SPDYE5: variants seen among roughly 807,000 people sequenced by gnomAD.
SPDYE5 encodes speedy protein E5.
A neutral mutation model predicts 48.5 loss-of-function variants in SPDYE5; 15 were observed. That is an observed-to-expected ratio of 0.31 (90% CI 0.21 to 0.48). The LOEUF is 0.48. Among genes scored for constraint, SPDYE5 ranks in the 20% least tolerant of loss-of-function variants. The pLI is 0.99. For missense variants in SPDYE5, 331 were observed against 549.1 expected (o/e 0.60, Z 3.97); for synonymous variants, 116 against 200.7 (o/e 0.58, Z 3.57).
chr7:75,497,180 G>A (rs1397420920), intron 4 of SPDYE5, among the ~76,000 whole-genome samples: 4 of 152,054 alleles, frequency 2.6e-5, no homozygotes, highest in African/African-American at 7.2e-5. Context: ...GCTGAGGCAA[G>A]AGGATTGCTT....
chr7:75,491,901 A>C (rs1554481796), upstream of SPDYE5, among the ~76,000 whole-genome samples: 1 of 151,586 alleles, frequency 6.6e-6, no homozygotes, highest in African/African-American at 2.4e-5. Context: ...TTTTTAGTAG[A>C]GACGGATTTA....
In SPDYE5 at chr7:75,501,739, C is replaced by A. The variant is rs369110537; in HGVS notation, c.1133C>A (p.Pro378Gln). 3 of 1,419,444 alleles carry A rather than the reference C, an allele frequency of 2.1e-6. No individual in the cohort carries two copies. The highest frequency in any genetic ancestry group is 2.8e-6 in the Non-Finnish European group (3 of 1,058,058). 87.9% of individuals were successfully genotyped at this position (1,419,444 alleles called of 1,614,324 possible). The change falls in exon 7 of 9, where the codon CCG (proline) becomes CAG (glutamine). Residue 378 changes from proline (P) to glutamine (Q), a missense_variant. Physicochemically the swap from Pro to Gln is moderately conservative, Grantham distance 76. Coordinates refer to ENST00000625065, the MANE Select transcript of SPDYE5 (RefSeq NM_001306141.4). The stretch of plus-strand genomic sequence containing the variant: ...ATGAGCGGCAGGGCTTGGGTTTCCC[C>A]GGAGGAGTTGGAGGAGGTAGGTGGG... ...CSMSGRAWVS[P>Q]EELEEIQAYD...
chr7:75,495,999 T>C (rs1207081440), intron 3 of SPDYE5, among the ~76,000 whole-genome samples: 5 of 150,102 alleles, frequency 3.3e-5, no homozygotes, highest in African/African-American at 1.2e-4. Flanking sequence ...CACTGCATTT[T>C]TTTGAGACGC....
chr7:75,496,946 C>G (rs1554482689), intron 4 of SPDYE5, 42 bp downstream of exon 4: 1 of 1,124,190 alleles, frequency 8.9e-7, no homozygotes, highest in Admixed American at 2.4e-5. Context: ...CCTGTTCTTT[C>G]CAAAAACAGG....
chr7:75,501,199 T>G (rs1272833524), intron 6 of SPDYE5, among the ~76,000 whole-genome samples, 163 bp from the exon 7 acceptor site: 2 of 151,868 alleles, frequency 1.3e-5, no homozygotes, highest in Non-Finnish European at 2.9e-5. Context: ...CTTGATCAGG[T>G]CTCTGTCCAG....
rs1793238783 is a variant in SPDYE5, at chr7:75,503,998, T to C, written c.*1211T>C. The C allele has an allele frequency of 6.6e-6, 1 of 152,058 alleles. No homozygotes were observed. The allele number at this position is 152,058 out of a possible 1,614,324, so 9.4% of individuals were successfully genotyped here. A position where few individuals can be genotyped will look rare whatever the true frequency, so the allele number is the denominator to read the frequency against. On this transcript the variant is annotated 3_prime_UTR_variant, in exon 9 of 9. Transcript: ENST00000625065. ...TCTTTTACCTTTCAATCTTTGTATCTATTATTACACGTGTTGCTGAAGGGA... is the reference window on the plus strand; with the variant it reads ...TCTTTTACCTTTCAATCTTTGTATCCATTATTACACGTGTTGCTGAAGGGA...
At chr7:75,499,615 A>G (rs1793067113) in intron 6 of SPDYE5, among the ~76,000 whole-genome samples, 1 of 151,866 alleles carries the variant, frequency 6.6e-6, no homozygotes, top group South Asian at 2.1e-4. Flanking sequence ...AAAAATAGAA[A>G]AATTAGCTGG....
At chr7:75,494,472 G>A (rs1432196906) in intron 2 of SPDYE5, among the ~76,000 whole-genome samples, 1 of 150,410 alleles carries the variant, frequency 6.6e-6, no homozygotes, top group Non-Finnish European at 1.5e-5. Flanking sequence ...ACTTGAGACT[G>A]GGAGGAAGAG....
chr7:75,494,161 G>T lies in SPDYE5; in HGVS notation c.114G>T (p.Gly38=). 1 of 1,535,260 alleles carries T rather than the reference G, an allele frequency of 6.5e-7. No individual in the cohort carries two copies. Among genetic ancestry groups the T allele is most frequent in the East Asian group, 2.4e-5 (1 of 40,890 alleles). The stretch of plus-strand genomic sequence containing the variant: ...AGAGTCCCCAGCGGAGCACCTCGGG[G>T]TACCCCCTCCAGGAGGTGGTGGATG... ...NEQSPQRSTS[G]YPLQEVVDDE... Residue 38 remains glycine, a synonymous_variant, in exon 2 of 9, where the codon GGG becomes GGT. Transcript: ENST00000625065.
In SPDYE5 at chr7:75,493,754, G is replaced by GTT; in HGVS notation, c.-294_-293insTT. On this transcript the variant is annotated 5_prime_UTR_variant, in exon 2 of 9. The change creates a premature stop within an existing upstream ORF in the 5' untranslated region. Transcript: ENST00000625065. ...ATGTGGAGTCCCTGAAGATGCTTTTGGACAATGGTCTGAGGTTGGGACAGT... is the reference window on the plus strand; with the variant it reads ...ATGTGGAGTCCCTGAAGATGCTTTTGTTGACAATGGTCTGAGGTTGGGACAGT... 7.1e-7 allele frequency: 1 copy of GTT among 1,416,814 alleles called. No individual in the cohort carries two copies. Among genetic ancestry groups the GTT allele is most frequent in the East Asian group, 2.5e-5 (1 of 39,434 alleles). 87.8% of individuals were successfully genotyped at this position (1,416,814 alleles called of 1,614,324 possible). A position where few individuals can be genotyped will look rare whatever the true frequency, so the allele number is the denominator to read the frequency against.
intron 6 of SPDYE5, 59 bp downstream of exon 6, chr7:75,499,375 G>C (rs1554483100): frequency 2.0e-6 from 2 of 994,172 alleles, no homozygotes; most frequent in African/African-American, 1.6e-5. Context: ...AGCGGGGGAA[G>C]TGGGATTCCA....
chr7:75,502,635 T>C (rs1793197785), intron 8 of SPDYE5, among the ~76,000 whole-genome samples, 198 bp from the exon 9 acceptor site: 1 of 144,494 alleles, frequency 6.9e-6, no homozygotes, highest in Non-Finnish European at 1.5e-5. Flanking sequence ...GTGTATTAAG[T>C]GAGTTTTGGA....
chr7:75,501,783 G>A (rs782792247), intron 7 of SPDYE5, 28 bp downstream of exon 7: 31 of 1,610,436 alleles, frequency 1.9e-5, no homozygotes, highest in Non-Finnish European at 2.5e-5. Flanking sequence ...AGGTGGAGGA[G>A]GTGGGGAGGA....
At chr7:75,492,525 G>A (rs1260182945) in intron 1 of SPDYE5, among the ~76,000 whole-genome samples, 84 bp downstream of exon 1, 5 of 151,944 alleles carry the variant, frequency 3.3e-5, no homozygotes, top group African/African-American at 1.2e-4. Context: ...TGCAACCTGC[G>A]CACCATGAGT....
Position 75,502,038 on chromosome 7 carries a change from C to A in SPDYE5, c.*45+56C>A, listed in dbSNP as rs587723638. The A allele has an allele frequency of 7.9e-6, 12 of 1,526,908 alleles. No individual in the cohort carries two copies. The East Asian group carries it at 2.5e-4, about 32-fold the overall frequency. 94.6% of individuals were successfully genotyped at this position (1,526,908 alleles called of 1,614,324 possible). A position where few individuals can be genotyped will look rare whatever the true frequency, so the allele number is the denominator to read the frequency against. On this transcript the variant is annotated intron_variant, in intron 8 of 8. Transcript: ENST00000625065. Reference sequence around the variant, plus strand: ...AATATTGGGGTCTATTTCGGAAATCCGAAGAACCCAATTGCTTGATCCGGC... The same window carrying A: ...AATATTGGGGTCTATTTCGGAAATCAGAAGAACCCAATTGCTTGATCCGGC...
At chr7:75,499,807 A>C (rs1489492278) in intron 6 of SPDYE5, among the ~76,000 whole-genome samples, 4 of 134,112 alleles carry the variant, frequency 3.0e-5, no homozygotes, top group Middle Eastern at 3.7e-3. Flanking sequence ...AAAAAAACAA[A>C]CTCCAATGCC....
At chr7:75,495,557 T>TTATC (rs1312953314) in intron 3 of SPDYE5, among the ~76,000 whole-genome samples, 183 bp downstream of exon 3, 1 of 152,300 alleles carries the variant, frequency 6.6e-6, no homozygotes, top group East Asian at 1.9e-4. Context: ...AGGCTAGACT[T>TTATC]GATAAAGGTT....
chr7:75,494,082 G>T lies in SPDYE5; in HGVS notation c.35G>T (p.Gly12Val). ...DRTETRFRKR[G>V]QITEKITTSR... ...ACGGAGACTAGGTTCCGTAAGAGGG[G>T]ACAGATTACGGAAAAGATCACGACC... The change falls in exon 2 of 9, where the codon GGA becomes GTA. Residue 12 changes from glycine (G) to valine (V), a missense_variant. Gly to Val is a moderately radical substitution (Grantham distance 109, BLOSUM62 -3). Around this residue, in one of 8 missense-constraint regions of SPDYE5, gnomAD observed 67 missense variants for 55.7 expected, o/e 1.20. Transcript: ENST00000625065. 1.3e-6 allele frequency: 2 copies of T among 1,534,528 alleles called. No individual in the cohort carries two copies. Among genetic ancestry groups the T allele is most frequent in the Non-Finnish European group, 1.7e-6 (2 of 1,146,654 alleles).
At chr7:75,501,150 T>G (rs1413608237) in intron 6 of SPDYE5, among the ~76,000 whole-genome samples, 1 of 152,138 alleles carries the variant, frequency 6.6e-6, no homozygotes, top group Non-Finnish European at 1.5e-5. Context: ...CGGCCACCAG[T>G]TGGGTTTTTG....
Sources: allele counts gnomAD v4.1 joint callset (sites outside exome capture counted in the v4.1 genomes callset), GRCh38; gene constraint gnomAD v4.1.1; regional missense constraint gnomAD v4.1.1; transcripts MANE v1.5; gene names NCBI Gene and HGNC (gene_info 2026-07-23, HGNC 2026-07-21).